The following CACNA1I variants were observed in gnomAD, a reference collection of about 807,000 sequenced individuals.
The protein encoded by CACNA1I is voltage-dependent T-type calcium channel subunit alpha-1I.
Under a neutral mutation model 201.6 loss-of-function variants are expected in CACNA1I, and 74 were observed. That is an observed-to-expected ratio of 0.37 (90% CI 0.30 to 0.45). The LOEUF (loss-of-function observed/expected upper bound fraction) is 0.45, where lower values mean the gene tolerates loss of function less well. CACNA1I is among the 20% of genes least tolerant of loss of function. The probability of loss-of-function intolerance (pLI) is 1.00; values close to 1 mark genes in which losing one functional copy is unlikely to be tolerated. For synonymous variants in CACNA1I, 1,431 were observed against 1,345.2 expected, an observed-to-expected ratio of 1.06 and a Z score of -1.40; for missense variants, 2,346 against 3,138.1, an observed-to-expected ratio of 0.75 and a Z score of 6.03.
At chr22:39,642,141 G>T (rs1014006464) in intron 6 of CACNA1I, among the ~76,000 whole-genome samples, 6 of 152,150 alleles carry the variant, frequency 3.9e-5, no homozygotes, top group Non-Finnish European at 8.8e-5. Flanking sequence ...ACTTTGCCCT[G>T]GGGAGCATCA....
chr22:39,657,226 A>G (rs1181828878), intron 10 of CACNA1I, among the ~76,000 whole-genome samples: 1 of 152,136 alleles, frequency 6.6e-6, no homozygotes, highest in East Asian at 1.9e-4. Context: ...TTTGCAGGAT[A>G]TCAGTTAAAA....
intron 1 of CACNA1I, among the ~76,000 whole-genome samples, chr22:39,587,141 G>T (rs1932763254): frequency 6.6e-6 from 1 of 152,166 alleles, no homozygotes; most frequent in African/African-American, 2.4e-5. Context: ...CCCCTACTCT[G>T]CTGTCTGCAC....
chr22:39,573,816 C>T (rs1046757561), intron 1 of CACNA1I, among the ~76,000 whole-genome samples: 5 of 152,278 alleles, frequency 3.3e-5, no homozygotes, highest in Non-Finnish European at 5.9e-5. Flanking sequence ...GGGGCTGGCC[C>T]AGGAGGGAGA....
At chr22:39,572,882 G>C (rs1322353146) in intron 1 of CACNA1I, among the ~76,000 whole-genome samples, 1 of 151,884 alleles carries the variant, frequency 6.6e-6, no homozygotes, top group Non-Finnish European at 1.5e-5. Flanking sequence ...TCAGCCTCCC[G>C]AGTAGCTGGG....
Position 39,650,632 on chromosome 22 carries a change from G to T in CACNA1I, c.1992+707G>T, listed in dbSNP as rs1420956156. On this transcript the variant is annotated intron_variant, in intron 10 of 36. Coordinates refer to ENST00000402142, the MANE Select transcript of CACNA1I (RefSeq NM_021096.4). ...CTCTGTCACAACGTCCCTTCACCAGGCCAGGGTGTCCTGTCCCATCCAGTG... is the reference window on the plus strand; with the variant it reads ...CTCTGTCACAACGTCCCTTCACCAGTCCAGGGTGTCCTGTCCCATCCAGTG... Among the ~76,000 whole-genome samples, 7 of 152,350 alleles carry T rather than the reference G, an allele frequency of 4.6e-5. No individual in the cohort carries two copies. The East Asian group carries it at 1.2e-3, about 25-fold the overall frequency.
Position 39,665,795 on chromosome 22 carries a change from TCTGAGTAAAC to T in CACNA1I, c.3979-85_3979-76del. On this transcript the variant is annotated intron_variant, in intron 22 of 36. Transcript: ENST00000402142. The surrounding 1 kb of genome is among the most constrained non-coding windows in gnomAD (Gnocchi z 5.5). Reference sequence around the variant, plus strand: ...GCCCAGATGACTGAGCACAAGACAGTCTGAGTAAACGCGATCGAGAGGCGAGTTCCTCTCT... The same window carrying T: ...GCCCAGATGACTGAGCACAAGACAGTGCGATCGAGAGGCGAGTTCCTCTCT... 1 of 1,584,444 alleles carries T rather than the reference TCTGAGTAAAC, an allele frequency of 6.3e-7. No homozygotes were observed. The highest frequency in any genetic ancestry group is 8.6e-7 in the Non-Finnish European group (1 of 1,157,060).
At chr22:39,678,979 GC>G in intron 31 of CACNA1I, 127 bp from the exon 32 acceptor site, 1 of 699,630 alleles carries the variant, frequency 1.4e-6, no homozygotes. Flanking sequence ...GGGCAGGGCA[GC>G]CCGGGGCCAT....
intron 1 of CACNA1I, among the ~76,000 whole-genome samples, chr22:39,585,290 T>G (rs1396603163): frequency 1.3e-5 from 2 of 152,018 alleles, no homozygotes; most frequent in African/African-American, 2.4e-5. Flanking sequence ...CTTGAACTCC[T>G]GACCTCAGGT....
intron 4 of CACNA1I, among the ~76,000 whole-genome samples, chr22:39,623,076 C>G (rs957819211): frequency 2.0e-5 from 3 of 152,202 alleles, no homozygotes; most frequent in African/African-American, 7.2e-5. Context: ...TGTGATGGGA[C>G]CGCTGAGGCT....
intron 4 of CACNA1I, among the ~76,000 whole-genome samples, chr22:39,630,313 C>T (rs1274667281): frequency 1.3e-5 from 2 of 152,330 alleles, no homozygotes; most frequent in Middle Eastern, 3.4e-3. Flanking sequence ...TGTGTATCAC[C>T]CATGTGGTTT....
intron 5 of CACNA1I, among the ~76,000 whole-genome samples, chr22:39,638,096 T>A (rs530411687): frequency 6.6e-6 from 1 of 152,266 alleles, no homozygotes; most frequent in South Asian, 2.1e-4. Flanking sequence ...ACCACGCTAT[T>A]AAATGGCTAA....
intron 2 of CACNA1I, 75 bp downstream of exon 2, chr22:39,598,337 A>AC (rs1932941605): frequency 4.8e-6 from 2 of 412,932 alleles, no homozygotes; most frequent in South Asian, 4.6e-5. Context: ...CCCACTCCAC[A>AC]CCCCCGCCCC....
At position 39,648,433 on chromosome 22, in the gene CACNA1I, T is replaced by C. The variant is rs1231894261; in HGVS notation, c.1567+507T>C. Among the ~76,000 whole-genome samples, 1 of 151,774 alleles carries C rather than the reference T, an allele frequency of 6.6e-6. No homozygotes were observed. The highest frequency in any genetic ancestry group is 1.5e-5 in the Non-Finnish European group (1 of 67,910). On this transcript the variant is annotated intron_variant, in intron 9 of 36. Transcript: ENST00000402142. The surrounding 1 kb of genome is among the most constrained non-coding windows in gnomAD (Gnocchi z 5.4). ...ACTCTTGCCCCCTTGCCCCTGGGCC[T>C]CCCCTCTGCCCTGGAAAACGAGAGT...
At chr22:39,661,872 G>A (rs1935021647) in intron 16 of CACNA1I, 93 bp from the exon 17 acceptor site, 4 of 789,828 alleles carry the variant, frequency 5.1e-6, no homozygotes, top group Non-Finnish European at 7.6e-6. Flanking sequence ...TGGTCTTAGA[G>A]CCACAGCGGG....
intron 4 of CACNA1I, among the ~76,000 whole-genome samples, chr22:39,623,093 G>A (rs552897345): frequency 2.0e-5 from 3 of 152,340 alleles, no homozygotes; most frequent in African/African-American, 4.8e-5. Flanking sequence ...GGCTGCAGGC[G>A]GGCTTAGGGG....
chr22:39,674,260 C>T (rs1203783673), intron 29 of CACNA1I, among the ~76,000 whole-genome samples: 1 of 152,212 alleles, frequency 6.6e-6, no homozygotes, highest in Non-Finnish European at 1.5e-5. Flanking sequence ...GTGTCCAGCC[C>T]TGTGCACGCA....
At chr22:39,619,234 G>A (rs1337287455) in intron 3 of CACNA1I, 76 bp from the exon 4 acceptor site, 2 of 1,114,110 alleles carry the variant, frequency 1.8e-6, no homozygotes, top group Non-Finnish European at 2.7e-6. Flanking sequence ...GCAGGTGGCT[G>A]GAGAATGCTG....
At chr22:39,669,986 TGGCCCTGTAG>T (rs1447416997) in intron 24 of CACNA1I, 42 bp from the exon 25 acceptor site, 55 of 1,596,868 alleles carry the variant, frequency 3.4e-5, no homozygotes, top group Non-Finnish European at 4.2e-5. Context: ...CACCTCCCCA[TGGCCCTGTAG>T]GGCCCAATCA....
intron 27 of CACNA1I, 72 bp downstream of exon 27, chr22:39,672,380 G>A (rs1452928211): frequency 8.5e-6 from 9 of 1,060,138 alleles, no homozygotes; most frequent in Non-Finnish European, 1.2e-5. Context: ...TGACCCTTAG[G>A]GAAGTCTGGA....
Sources: allele counts gnomAD v4.1 joint callset (sites outside exome capture counted in the v4.1 genomes callset), GRCh38; gene constraint gnomAD v4.1.1; non-coding constraint Gnocchi (gnomAD v3.1); transcripts MANE v1.5; gene names NCBI Gene and HGNC (gene_info 2026-07-23, HGNC 2026-07-21).